The following CTIF variants were observed in gnomAD, a reference collection of about 807,000 sequenced individuals.
CTIF encodes the protein CBP80/20-dependent translation initiation factor.
CTIF carries 21 observed loss-of-function variants against 66.0 expected under a neutral mutation model. The ratio of observed to expected loss-of-function variants is 0.32; its 90% confidence interval spans 0.23 to 0.46. The LOEUF (loss-of-function observed/expected upper bound fraction) is 0.46, where lower values mean the gene tolerates loss of function less well. Among genes scored for constraint, CTIF ranks in the 20% least tolerant of loss-of-function variants. The pLI, the probability that CTIF is intolerant of heterozygous loss-of-function variation, is 1.00. For missense variants in CTIF, 739 were observed against 812.7 expected, an observed-to-expected ratio of 0.91 and a Z score of 1.10; for synonymous variants, 345 against 326.4, an observed-to-expected ratio of 1.06 and a Z score of -0.62.
In CTIF at chr18:48,761,224, G is replaced by A. The variant is rs904398223; in HGVS notation, c.1072-166G>A. ...AAAAAGGCAACAAGGAGCTTTTGGC[G>A]CATGAGGGGTCTTTGGTGGAGGTTC... On this transcript the variant is annotated intron_variant, in intron 8 of 11. Transcript: ENST00000256413. The surrounding 1 kb of genome is among the most constrained non-coding windows in gnomAD (Gnocchi z 4.2). 5.0e-5 allele frequency: 31 copies of A among 621,916 alleles called. No individual in the cohort carries two copies. The highest frequency in any genetic ancestry group is 3.2e-4 in the Middle Eastern group (1 of 3,116). 38.5% of individuals were successfully genotyped at this position (621,916 alleles called of 1,614,324 possible).
At chr18:48,797,668 T>C (rs1726206699) in intron 9 of CTIF, among the ~76,000 whole-genome samples, 1 of 151,872 alleles carries the variant, frequency 6.6e-6, no homozygotes, top group African/African-American at 2.4e-5. Flanking sequence ...GGTGGGGGGA[T>C]GCTCTGAGGC....
At chr18:48,673,326 ACACT>A (rs1414591932) in intron 6 of CTIF, among the ~76,000 whole-genome samples, 3 of 151,892 alleles carry the variant, frequency 2.0e-5, no homozygotes, top group Admixed American at 1.3e-4. Context: ...GTCTGTCTTG[ACACT>A]CAGTCGTCCC....
chr18:48,660,504 C>G (rs924594903), intron 3 of CTIF, among the ~76,000 whole-genome samples: 1 of 152,242 alleles, frequency 6.6e-6, no homozygotes, highest in African/African-American at 2.4e-5. Context: ...CTCCCATCAG[C>G]TGGGAGCACA....
At position 48,792,887 on chromosome 18, in the gene CTIF, G is replaced by A. The variant is rs376898928; in HGVS notation, c.1372-24334G>A. On this transcript the variant is annotated intron_variant, in intron 9 of 11. Transcript: ENST00000256413. ...CAGGTTGAGTGGACAGTTGGAGCCC[G>A]GCATTCAGAGGGGTGATCTGGATAG... is the stretch of plus-strand genomic sequence containing the variant. Among the ~76,000 whole-genome samples the A allele has an allele frequency of 2.0e-4, 31 of 152,258 alleles. No homozygotes were observed. In the East Asian group the frequency reaches 5.0e-3, roughly 25 times the overall value.
chr18:48,854,722 A>G (rs909344124), intron 10 of CTIF, among the ~76,000 whole-genome samples: 1 of 152,146 alleles, frequency 6.6e-6, no homozygotes, highest in Non-Finnish European at 1.5e-5. Context: ...GGAGTTCAAG[A>G]TCAGCCTGGG....
intron 1 of CTIF, among the ~76,000 whole-genome samples, chr18:48,574,485 TA>T (rs1425812847): frequency 1.3e-5 from 2 of 152,220 alleles, no homozygotes; most frequent in African/African-American, 4.8e-5. Flanking sequence ...GCAGGAGTTT[TA>T]GGGGGTAGAG....
At chr18:48,682,372 A>G (rs2091761362) in intron 6 of CTIF, among the ~76,000 whole-genome samples, 1 of 152,204 alleles carries the variant, frequency 6.6e-6, no homozygotes, top group South Asian at 2.1e-4. Flanking sequence ...GATCAGCAGC[A>G]GTAATATCAC....
At chr18:48,556,723 C>T (rs1039765382) in intron 1 of CTIF, among the ~76,000 whole-genome samples, 1 of 152,150 alleles carries the variant, frequency 6.6e-6, no homozygotes, top group Non-Finnish European at 1.5e-5. Flanking sequence ...CACCACCACA[C>T]CTGGCTAATT....
At chr18:48,734,235 A>G (rs1232166609) in intron 7 of CTIF, among the ~76,000 whole-genome samples, 1 of 152,162 alleles carries the variant, frequency 6.6e-6, no homozygotes, top group African/African-American at 2.4e-5. Context: ...CACCCCCAGC[A>G]TTGCTGTGGT....
chr18:48,850,565 T>A (rs1194033034), intron 10 of CTIF, among the ~76,000 whole-genome samples: 1 of 152,188 alleles, frequency 6.6e-6, no homozygotes, highest in East Asian at 1.9e-4. Context: ...ACTGGAAAGG[T>A]TCTTCCCTTG....
chr18:48,669,819 A>G (rs1164404689), intron 5 of CTIF, among the ~76,000 whole-genome samples: 6 of 116,420 alleles, frequency 5.2e-5, no homozygotes, highest in African/African-American at 2.0e-4. Context: ...ATATATATAT[A>G]TATATATATA....
chr18:48,613,328 G>A (rs1413781937), intron 1 of CTIF, among the ~76,000 whole-genome samples: 1 of 152,106 alleles, frequency 6.6e-6, no homozygotes, highest in African/African-American at 2.4e-5. Context: ...GACTTGGCCA[G>A]GGGTTAGAGG....
chr18:48,639,213 G>A (rs1326816284), intron 3 of CTIF, among the ~76,000 whole-genome samples: 2 of 152,236 alleles, frequency 1.3e-5, no homozygotes, highest in Non-Finnish European at 2.9e-5. Flanking sequence ...CACCTGTGCT[G>A]TATGAAATTG....
intron 1 of CTIF, among the ~76,000 whole-genome samples, chr18:48,601,915 T>C (rs1000402726): frequency 1.3e-5 from 2 of 152,248 alleles, no homozygotes; most frequent in Non-Finnish European, 2.9e-5. Flanking sequence ...ATATCATAGC[T>C]CTGTGGGTAT....
intron 10 of CTIF, among the ~76,000 whole-genome samples, chr18:48,824,546 A>T (rs576618754): frequency 6.6e-6 from 1 of 151,996 alleles, no homozygotes; most frequent in African/African-American, 2.4e-5. Context: ...GTTATCATTG[A>T]ATGCCTCTCT....
intron 3 of CTIF, among the ~76,000 whole-genome samples, chr18:48,642,220 T>C (rs1448378229): frequency 1.3e-5 from 2 of 152,152 alleles, no homozygotes; most frequent in East Asian, 1.9e-4. Flanking sequence ...GGGTAAAAAC[T>C]AGTTTACACA....
chr18:48,835,208 C>T (rs143645811), intron 10 of CTIF, among the ~76,000 whole-genome samples: 78 of 152,298 alleles, frequency 5.1e-4, no homozygotes, highest in Middle Eastern at 3.4e-3. Flanking sequence ...GTCAGGCACA[C>T]GGCAGGGAAT....
At chr18:48,548,974 G>A (rs1033720685) in intron 1 of CTIF, among the ~76,000 whole-genome samples, 5 of 151,566 alleles carry the variant, frequency 3.3e-5, no homozygotes, top group African/African-American at 7.3e-5. Flanking sequence ...GCCAGAAGTC[G>A]GATGACTGTG....
At chr18:48,631,138 C>T (rs979030421) in intron 2 of CTIF, among the ~76,000 whole-genome samples, 3 of 152,198 alleles carry the variant, frequency 2.0e-5, no homozygotes, top group Non-Finnish European at 2.9e-5. Context: ...TGCTCAGTAC[C>T]CTGGGGTCTC....
Sources: allele counts gnomAD v4.1 joint callset (sites outside exome capture counted in the v4.1 genomes callset), GRCh38; gene constraint gnomAD v4.1.1; non-coding constraint Gnocchi (gnomAD v3.1); transcripts MANE v1.5; gene names NCBI Gene and HGNC (gene_info 2026-07-23, HGNC 2026-07-21).